Variants in TMEM132D observed in about 807,000 individuals in gnomAD.
TMEM132D encodes transmembrane protein 132D.
TMEM132D carries 21 observed loss-of-function variants against 62.3 expected under a neutral mutation model. The observed-to-expected ratio is 0.34, with a 90% CI of 0.24 to 0.49. TMEM132D has a LOEUF of 0.49. Ranked by LOEUF, TMEM132D falls within the 20% of genes least tolerant of loss-of-function variation. The probability of loss-of-function intolerance (pLI) is 0.99; values close to 1 mark genes in which losing one functional copy is unlikely to be tolerated. For missense variants in TMEM132D, 1,346 were observed against 1,402.8 expected, an observed-to-expected ratio of 0.96 and a Z score of 0.65; for synonymous variants, 621 against 575.6, an observed-to-expected ratio of 1.08 and a Z score of -1.13.
At chr12:129,530,074 A>C (rs1286534106) in intron 3 of TMEM132D, among the ~76,000 whole-genome samples, 1 of 152,196 alleles carries the variant, frequency 6.6e-6, no homozygotes, top group Non-Finnish European at 1.5e-5. Flanking sequence ...TGATAATCCA[A>C]ATTCCTAAAA....
At chr12:129,450,839 T>C (rs916485205) in intron 3 of TMEM132D, among the ~76,000 whole-genome samples, 5 of 145,498 alleles carry the variant, frequency 3.4e-5, no homozygotes, top group African/African-American at 5.1e-5. Context: ...TCACTGCAAC[T>C]TCTGCCTCTC....
chr12:129,648,325 C>T (rs1014721787), intron 2 of TMEM132D, among the ~76,000 whole-genome samples: 1 of 152,206 alleles, frequency 6.6e-6, no homozygotes, highest in African/African-American at 2.4e-5. Flanking sequence ...GATTTCATCC[C>T]GACGTAACCA....
chr12:129,181,731 A>G (rs925905616), intron 5 of TMEM132D, among the ~76,000 whole-genome samples: 14 of 152,128 alleles, frequency 9.2e-5, no homozygotes, highest in African/African-American at 3.4e-4. Flanking sequence ...CCTTTGTTGG[A>G]AGAGACCCTA....
At chr12:129,273,621 A>G (rs1476889125) in intron 4 of TMEM132D, among the ~76,000 whole-genome samples, 3 of 151,840 alleles carry the variant, frequency 2.0e-5, no homozygotes, top group East Asian at 3.9e-4. Flanking sequence ...TTGCAGCCAC[A>G]TGGATGCAGC....
chr12:129,724,695 G>A (rs1434636981), intron 1 of TMEM132D, among the ~76,000 whole-genome samples: 3 of 152,054 alleles, frequency 2.0e-5, no homozygotes, highest in Admixed American at 2.0e-4. Flanking sequence ...GCTAATTTTT[G>A]TACTTTTAGT....
At chr12:129,370,638 T>C (rs1309781805) in intron 3 of TMEM132D, among the ~76,000 whole-genome samples, 1 of 152,246 alleles carries the variant, frequency 6.6e-6, no homozygotes, top group South Asian at 2.1e-4. Context: ...ACCTAAGTGT[T>C]CATTAATGGA....
intron 5 of TMEM132D, among the ~76,000 whole-genome samples, chr12:129,090,022 G>C (rs913849624): frequency 6.6e-6 from 1 of 152,324 alleles, no homozygotes; most frequent in African/African-American, 2.4e-5. Flanking sequence ...ATTGTAAAGA[G>C]CATTTCCTAT....
intron 4 of TMEM132D, among the ~76,000 whole-genome samples, chr12:129,264,471 G>A (rs1162330402): frequency 6.6e-6 from 1 of 152,200 alleles, no homozygotes; most frequent in East Asian, 1.9e-4. Flanking sequence ...CTGCTGGTGG[G>A]AATGTAAACT....
chr12:129,741,371 G>A (rs1245797427), intron 1 of TMEM132D, among the ~76,000 whole-genome samples: 1 of 152,152 alleles, frequency 6.6e-6, no homozygotes, highest in African/African-American at 2.4e-5. Flanking sequence ...ATGAAAATTA[G>A]TGCCTGACAC....
At chr12:129,668,632 G>A (rs1198167261) in intron 2 of TMEM132D, among the ~76,000 whole-genome samples, 1 of 152,150 alleles carries the variant, frequency 6.6e-6, no homozygotes, top group Non-Finnish European at 1.5e-5. Flanking sequence ...TAACAAGTGA[G>A]TAAAATATAC....
intron 1 of TMEM132D, among the ~76,000 whole-genome samples, chr12:129,731,580 A>G (rs1420094003): frequency 1.3e-5 from 2 of 152,208 alleles, no homozygotes; most frequent in African/African-American, 4.8e-5. Flanking sequence ...GGTGGCAAGA[A>G]GAGTAGAGGG....
chr12:129,272,516 T>C (rs1231224392), intron 4 of TMEM132D, among the ~76,000 whole-genome samples: 1 of 151,876 alleles, frequency 6.6e-6, no homozygotes, highest in East Asian at 1.9e-4. Context: ...AAATGGGGTA[T>C]TTCTTTATTT....
rs940565645 is a variant in TMEM132D, at chr12:129,464,452, C to T, written c.1115+66607G>A. Among the ~76,000 whole-genome samples, 24 of 152,160 alleles carry T rather than the reference C, an allele frequency of 1.6e-4. 1 individual carries two copies. The highest frequency in any genetic ancestry group is 6.5e-5 in the Admixed American group (1 of 15,270). Reference sequence around the variant, plus strand: ...TTCACTCTGATGGTAGTTTCTTTTGCTGTGCAGAAGCTCTTGAGTTTTATT... The same window carrying T: ...TTCACTCTGATGGTAGTTTCTTTTGTTGTGCAGAAGCTCTTGAGTTTTATT... On this transcript the variant is annotated intron_variant, in intron 3 of 8. Coordinates refer to ENST00000422113, the MANE Select transcript of TMEM132D (RefSeq NM_133448.3).
intron 4 of TMEM132D, among the ~76,000 whole-genome samples, chr12:129,295,064 C>G (rs1011646724): frequency 4.6e-5 from 7 of 152,258 alleles, no homozygotes; most frequent in Admixed American, 3.9e-4. Flanking sequence ...GGGCCTCATC[C>G]AATCAGTCGA....
At chr12:129,358,004 G>A (rs1258561886) in intron 3 of TMEM132D, among the ~76,000 whole-genome samples, 1 of 152,166 alleles carries the variant, frequency 6.6e-6, no homozygotes, top group Non-Finnish European at 1.5e-5. Context: ...CTTTTCATCA[G>A]CATTTTCAGT....
At chr12:129,600,086 G>A (rs749880491) in intron 2 of TMEM132D, among the ~76,000 whole-genome samples, 4 of 152,216 alleles carry the variant, frequency 2.6e-5, no homozygotes, top group Admixed American at 1.3e-4. Flanking sequence ...ACAGCAGAAC[G>A]TCCTTCAAAA....
At chr12:129,883,124 T>C (rs1215252659) in intron 1 of TMEM132D, among the ~76,000 whole-genome samples, 2 of 152,126 alleles carry the variant, frequency 1.3e-5, no homozygotes, top group Non-Finnish European at 2.9e-5. Context: ...AAAAATGACA[T>C]GGTCATGCAT....
At chr12:129,868,182 G>A (rs546972762) in intron 1 of TMEM132D, among the ~76,000 whole-genome samples, 26 of 151,904 alleles carry the variant, frequency 1.7e-4, no homozygotes, top group Admixed American at 6.5e-4. Flanking sequence ...GTACACACAC[G>A]AGACAGCATT....
chr12:129,704,069 C>G (rs954349761), intron 1 of TMEM132D, among the ~76,000 whole-genome samples: 9 of 152,094 alleles, frequency 5.9e-5, no homozygotes, highest in African/African-American at 2.2e-4. Flanking sequence ...AACACAAACA[C>G]CTAATTATGT....
Sources: gnomAD v4.1 joint callset for allele counts (sites outside exome capture counted in the v4.1 genomes callset) on GRCh38, gnomAD v4.1.1 for gene constraint, MANE v1.5 for transcripts, NCBI Gene and HGNC (gene_info 2026-07-23, HGNC 2026-07-21) for gene names.